Variants in RBMXL1 observed in about 807,000 individuals in gnomAD.
RBMXL1 encodes RBMX like 1.
A neutral mutation model predicts 29.0 loss-of-function variants in RBMXL1; 18 were observed. The ratio of observed to expected loss-of-function variants is 0.62; its 90% CI spans 0.43 to 0.92. The LOEUF is 0.92. RBMXL1 is among the 40% of genes least tolerant of loss of function. The pLI, the probability that RBMXL1 is intolerant of heterozygous loss-of-function variation, is 0.00. For synonymous variants in RBMXL1, 141 were observed against 170.4 expected, an observed-to-expected ratio of 0.83 and a Z score of 1.34; for missense variants, 403 against 495.8, an observed-to-expected ratio of 0.81 and a Z score of 1.78.
At position 88,981,409 on chromosome 1, in the gene RBMXL1, T is replaced by C. The variant is rs1466561737; in HGVS notation, c.*1245A>G. ...GAAACCCAAAGCTGTAAAATCTGTG[T>C]AAAGGACCACGAGAACCTCCTGACT... On this transcript the variant is annotated 3_prime_UTR_variant, in exon 3 of 3. Coordinates refer to ENST00000652648, the MANE Select transcript of RBMXL1 (RefSeq NM_001162536.3). 1 of 152,506 alleles carries C rather than the reference T, an allele frequency of 6.6e-6. No individual in the cohort carries two copies. Among genetic ancestry groups the C allele is most frequent in the East Asian group, 1.9e-4 (1 of 5,202 alleles). 9.4% of individuals were successfully genotyped at this position (152,506 alleles called of 1,614,324 possible).
chr1:88,982,035 G>A lies in RBMXL1; in HGVS notation c.*619C>T. 1.0e-6 allele frequency: 1 copy of A among 980,002 alleles called. No homozygotes were observed. Among genetic ancestry groups the A allele is most frequent in the Non-Finnish European group, 1.2e-6 (1 of 824,622 alleles). The allele number at this position is 980,002 out of a possible 1,614,324, so 60.7% of individuals were successfully genotyped here. On this transcript the variant is annotated 3_prime_UTR_variant, in exon 3 of 3. Coordinates refer to ENST00000652648, the MANE Select transcript of RBMXL1 (RefSeq NM_001162536.3). ...ACACACTTAAATGGTCTTATTGTGG[G>A]AGGGGAAAGGGGAGGTTCTTGCAGA...
chr1:88,989,620 A>G (rs1677670560), intron 1 of RBMXL1, among the ~76,000 whole-genome samples: 3 of 152,294 alleles, frequency 2.0e-5, no homozygotes, highest in African/African-American at 7.2e-5. Flanking sequence ...ATTACATTGC[A>G]TGATGGAGGT....
intron 1 of RBMXL1, among the ~76,000 whole-genome samples, chr1:88,990,264 C>T (rs543801191): frequency 7.3e-5 from 7 of 96,324 alleles, no homozygotes; most frequent in East Asian, 7.6e-4. Context: ...TTGTCTCTCC[C>T]GGTTAAAAAA....
At chr1:88,988,031 G>A (rs1049934786) in intron 2 of RBMXL1, among the ~76,000 whole-genome samples, 1 of 152,172 alleles carries the variant, frequency 6.6e-6, no homozygotes, top group Non-Finnish European at 1.5e-5. Context: ...ACAAAATGAG[G>A]TAATGAATAT....
chr1:88,984,077 G>A lies in RBMXL1; in HGVS notation c.-240-11C>T. On this transcript the variant is annotated splice_polypyrimidine_tract_variant and intron_variant, in intron 2 of 2. Coordinates refer to ENST00000652648, the MANE Select transcript of RBMXL1 (RefSeq NM_001162536.3). ...AACAACAGAATGTTCCTGTAATGGTGGAAGAAATGAAAGTAAAACTCAGAA... is the reference window on the plus strand; with the variant it reads ...AACAACAGAATGTTCCTGTAATGGTAGAAGAAATGAAAGTAAAACTCAGAA... 2.3e-6 allele frequency: 1 copy of A among 427,348 alleles called. No homozygotes were observed. The highest frequency in any genetic ancestry group is 2.1e-5 in the African/African-American group (1 of 46,782). 26.5% of individuals were successfully genotyped at this position (427,348 alleles called of 1,614,324 possible). A position where few individuals can be genotyped will look rare whatever the true frequency, so the allele number is the denominator to read the frequency against.
chr1:88,991,028 G>C (rs1194914636), intron 1 of RBMXL1, among the ~76,000 whole-genome samples: 1 of 152,172 alleles, frequency 6.6e-6, no homozygotes. Context: ...GAATCAGGAT[G>C]ATCTACGTGA....
rs760470330 is a variant in RBMXL1, at chr1:88,982,635, T to C, written c.*19A>G. The C allele has an allele frequency of 5.8e-5, 92 of 1,572,704 alleles. No individual in the cohort carries two copies. In the South Asian group the frequency reaches 9.3e-4, roughly 16 times the overall value. On this transcript the variant is annotated 3_prime_UTR_variant, in exon 3 of 3. Transcript: ENST00000652648. ...TTGTTTCTTTGAACTGGGATTTTGG[T>C]CCAAAGTTTTGTTTGTTTCTAGTAT...
intron 2 of RBMXL1, among the ~76,000 whole-genome samples, chr1:88,987,356 A>G (rs1194428095): frequency 2.0e-5 from 3 of 152,198 alleles, no homozygotes; most frequent in Non-Finnish European, 4.4e-5. Flanking sequence ...TAAAGAGGAG[A>G]GAATTCAAGA....
Position 88,983,536 on chromosome 1 carries a change from G to C in RBMXL1, c.291C>G (p.Pro97=). 1 of 1,588,296 alleles carries C rather than the reference G, an allele frequency of 6.3e-7. No homozygotes were observed. Among genetic ancestry groups the C allele is most frequent in the Non-Finnish European group, 8.6e-7 (1 of 1,168,700 alleles). The change falls in exon 3 of 3, where the codon CCC becomes CCG. Residue 97 remains proline (P), a synonymous_variant. Coordinates refer to ENST00000652648, the MANE Select transcript of RBMXL1 (RefSeq NM_001162536.3). ...PSFERGRHGP[P]PPPRSRGPPR... is the part of the protein sequence containing the mutation. ...GAGGACCTCTACTTCTTGGAGGTGGGGGCGGTCCATGTCTACCTCTTTCAA... is the reference window on the plus strand; with the variant it reads ...GAGGACCTCTACTTCTTGGAGGTGGCGGCGGTCCATGTCTACCTCTTTCAA...
At chr1:88,990,552 T>C (rs146528207) in intron 1 of RBMXL1, among the ~76,000 whole-genome samples, 4 of 152,324 alleles carry the variant, frequency 2.6e-5, no homozygotes, top group South Asian at 2.1e-4. Context: ...AGAAACACCA[T>C]GTCCCCTTGG....
Position 88,983,321 on chromosome 1 carries a change from C to T in RBMXL1, c.506G>A (p.Gly169Glu). ...CATTCCACTGCTGCTGCGAACTAGT[C>T]CTGAAGGTGCAGATCTCTTAGGAGA... The part of the protein sequence containing the change: ...GPSPKRSAPS[G>E]LVRSSSGMGG... Residue 169 changes from glycine (G) to glutamate (E), a missense_variant, in exon 3 of 3, where the codon GGA becomes GAA. Gly to Glu is a moderately conservative substitution (Grantham distance 98). Transcript: ENST00000652648. 1 of 1,614,096 alleles carries T rather than the reference C, an allele frequency of 6.2e-7. No homozygotes were observed. Among genetic ancestry groups the T allele is most frequent in the Non-Finnish European group, 8.5e-7 (1 of 1,180,028 alleles).
chr1:88,981,976 A>C lies in RBMXL1; in HGVS notation c.*678T>G, dbSNP rs1677113462. 9.1e-6 allele frequency: 9 copies of C among 984,438 alleles called. No individual in the cohort carries two copies. In the South Asian group the frequency reaches 3.3e-4, roughly 36 times the overall value. The allele number at this position is 984,438 out of a possible 1,614,324, so 61.0% of individuals were successfully genotyped here. ...TGCAGCTTCATGGTTGGTTTTGGCC[A>C]AACTTTTTATTTAGTATTCCGTAGT... On this transcript the variant is annotated 3_prime_UTR_variant, in exon 3 of 3. Coordinates refer to ENST00000652648, the MANE Select transcript of RBMXL1 (RefSeq NM_001162536.3).
intron 2 of RBMXL1, 58 bp downstream of exon 2, chr1:88,988,194 A>AT (rs1393902726): frequency 9.1e-7 from 1 of 1,098,572 alleles, no homozygotes; most frequent in East Asian, 2.4e-5. Flanking sequence ...AAAATTACAT[A>AT]TTTTTTGGAC....
chr1:88,983,081 G>C lies in RBMXL1; in HGVS notation c.746C>G (p.Ser249Cys). The change falls in exon 3 of 3, where the codon TCC becomes TGC. Residue 249 changes from serine (S) to cysteine (C), a missense_variant. Physicochemically the swap from Ser to Cys is moderately radical, Grantham distance 112 (BLOSUM62 -1). Coordinates refer to ENST00000652648, the MANE Select transcript of RBMXL1 (RefSeq NM_001162536.3). The part of the protein sequence containing the change: ...RDYTYRDYGH[S>C]SSRDDYPSRG... ...TGATGGATAGTCATCACGTGAACTG[G>C]AATGACCATAATCACGGTAAGTATA... 1 of 1,612,238 alleles carries C rather than the reference G, an allele frequency of 6.2e-7. No homozygotes were observed.
At position 88,980,380 on chromosome 1, in the gene RBMXL1, G is replaced by A. The variant is rs1464302117; in HGVS notation, c.*2274C>T. 4.6e-5 allele frequency: 7 copies of A among 151,796 alleles called. No individual in the cohort carries two copies. The highest frequency in any genetic ancestry group is 9.7e-5 in the African/African-American group (4 of 41,178). 9.4% of individuals were successfully genotyped at this position (151,796 alleles called of 1,614,324 possible). ...TTTTCTCCCTCTGGACCAAGCACCC[G>A]CCCAAGCAAGCCAACTTTAACAAAA... On this transcript the variant is annotated 3_prime_UTR_variant, in exon 3 of 3. Coordinates refer to ENST00000652648, the MANE Select transcript of RBMXL1 (RefSeq NM_001162536.3).
At position 88,980,331 on chromosome 1, in the gene RBMXL1, A is replaced by G. The variant is rs954318529; in HGVS notation, c.*2323T>C. ...ATAAAGCTGAATTTAAAAAGCTGCC[A>G]GAGTATTCTGAAATCATGCCTTCTT... On this transcript the variant is annotated 3_prime_UTR_variant, in exon 3 of 3. Coordinates refer to ENST00000652648, the MANE Select transcript of RBMXL1 (RefSeq NM_001162536.3). The G allele has an allele frequency of 1.3e-5, 2 of 152,632 alleles. No individual in the cohort carries two copies. Among genetic ancestry groups the G allele is most frequent in the African/African-American group, 4.8e-5 (2 of 41,452 alleles). The allele number at this position is 152,632 out of a possible 1,614,324, so 9.5% of individuals were successfully genotyped here.
Position 88,991,062 on chromosome 1 carries a change from A to G in RBMXL1, c.-341+1523T>C, listed in dbSNP as rs561678527. 3.9e-5 allele frequency among the ~76,000 whole-genome samples: 6 copies of G among 152,252 alleles called. No individual in the cohort carries two copies. In the East Asian group the frequency reaches 5.8e-4, roughly 15 times the overall value. On this transcript the variant is annotated intron_variant, in intron 1 of 2. Transcript: ENST00000652648. Reference sequence around the variant, plus strand: ...GATCTAATTATAGCATATTATGCATAAAGTCCATATTCCAAAACGCATGAT... The same window carrying G: ...GATCTAATTATAGCATATTATGCATGAAGTCCATATTCCAAAACGCATGAT...
chr1:88,992,092 C>T (rs1186506136), intron 1 of RBMXL1, among the ~76,000 whole-genome samples: 1 of 151,530 alleles, frequency 6.6e-6, no homozygotes, highest in Non-Finnish European at 1.5e-5. Flanking sequence ...CATTTTCCTG[C>T]CTCAGCCTCC....
At chr1:88,988,009 G>A (rs1381788892) in intron 2 of RBMXL1, among the ~76,000 whole-genome samples, 1 of 152,118 alleles carries the variant, frequency 6.6e-6, no homozygotes, top group African/African-American at 2.4e-5. Flanking sequence ...TAACTTGAAG[G>A]GTTTTGTGAA....
Sources: gnomAD v4.1 joint callset for allele counts (sites outside exome capture counted in the v4.1 genomes callset) on GRCh38, gnomAD v4.1.1 for gene constraint, MANE v1.5 for transcripts, NCBI Gene and HGNC (gene_info 2026-07-23, HGNC 2026-07-21) for gene names.